CCDC30: variants seen among roughly 807,000 people sequenced by gnomAD.
The protein encoded by CCDC30 is coiled-coil domain-containing protein 30.
In CCDC30, 70 loss-of-function variants were observed where a neutral mutation model predicts 100.2. The observed-to-expected ratio is 0.70, with a 90% confidence interval of 0.58 to 0.85. CCDC30 has a LOEUF of 0.85. Ranked by LOEUF, CCDC30 falls within the 40% of genes least tolerant of loss-of-function variation. CCDC30 has a pLI of 0.00. For synonymous variants in CCDC30, 233 were observed against 269.5 expected, an observed-to-expected ratio of 0.86 and a Z score of 1.33; for missense variants, 652 against 771.2, an observed-to-expected ratio of 0.85 and a Z score of 1.83.
At chr1:42,629,701 G>A (rs1367990668) in intron 11 of CCDC30, among the ~76,000 whole-genome samples, 6 of 150,294 alleles carry the variant, frequency 4.0e-5, no homozygotes, top group South Asian at 2.1e-4. Flanking sequence ...GCACGATCTC[G>A]GCTCACTGCA....
chr1:42,623,316 A>G (rs1284844750), intron 11 of CCDC30, among the ~76,000 whole-genome samples: 1 of 152,298 alleles, frequency 6.6e-6, no homozygotes, highest in Non-Finnish European at 1.5e-5. Flanking sequence ...TCACAGACCA[A>G]TATCCTGGAG....
intron 9 of CCDC30, among the ~76,000 whole-genome samples, chr1:42,584,570 G>A (rs372132373): frequency 6.6e-6 from 1 of 151,660 alleles, no homozygotes; most frequent in South Asian, 2.1e-4. Flanking sequence ...TCCAACGTGG[G>A]CAACAGGGCA....
rs753373298 is a variant in CCDC30, at chr1:42,637,247, GA to G, written c.1289del (p.Glu430GlyfsTer17). The G allele has an allele frequency of 1.9e-6, 3 of 1,582,476 alleles. No individual in the cohort carries two copies. The highest frequency in any genetic ancestry group is 2.6e-6 in the Non-Finnish European group (3 of 1,171,904). ...AATTTACTTTTATAGAAACTATAATGAGAAACATCACCAACAAAAAGTCAAG... is the reference window on the plus strand; with the variant it reads ...AATTTACTTTTATAGAAACTATAATGGAAACATCACCAACAAAAAGTCAAG... On this transcript the variant is annotated frameshift_variant, in exon 12 of 17. Coordinates refer to ENST00000668663, the Ensembl canonical transcript of CCDC30. LOFTEE classifies it high-confidence loss of function.
At chr1:42,618,849 G>A (rs140867465) in intron 11 of CCDC30, among the ~76,000 whole-genome samples, 100 of 152,238 alleles carry the variant, frequency 6.6e-4, no homozygotes, top group Admixed American at 4.1e-3. Context: ...AAAGAACGAC[G>A]GGAAGGCAAG....
upstream of CCDC30, chr1:42,459,924 T>G (rs952234267): frequency 5.6e-6 from 9 of 1,601,816 alleles, no homozygotes; most frequent in East Asian, 2.0e-4. Context: ...TGACAGAAAC[T>G]GAAGTAAAAA....
chr1:42,481,576 CAAAAA>C lies in CCDC30; in HGVS notation c.15+1029_15+1033del, dbSNP rs11312516. Among the ~76,000 whole-genome samples the C allele has an allele frequency of 7.6e-3, 845 of 110,596 alleles. 5 individuals are homozygous for C. The highest frequency in any genetic ancestry group is 0.026 in the African/African-American group (776 of 29,792). 72.6% of individuals were successfully genotyped at this position (110,596 alleles called of 152,430 possible). On this transcript the variant is annotated intron_variant, in intron 2 of 16. Coordinates refer to ENST00000668663, the Ensembl canonical transcript of CCDC30. ...TGGGCGACAGAGCAAAACCCTGTCT[CAAAAA>C]AAAAAAAAAAAAAAAAAATCACCTT...
intron 9 of CCDC30, among the ~76,000 whole-genome samples, chr1:42,587,111 C>T (rs967578919): frequency 2.0e-5 from 3 of 152,186 alleles, no homozygotes; most frequent in African/African-American, 4.8e-5. Flanking sequence ...ACTTCGCCCA[C>T]CTCAGCCTCC....
chr1:42,632,610 A>G (rs562397299), intron 11 of CCDC30, among the ~76,000 whole-genome samples: 3 of 145,236 alleles, frequency 2.1e-5, no homozygotes, highest in Non-Finnish European at 4.5e-5. Context: ...AAAATACAAA[A>G]TTAGCCGGGC....
intron 6 of CCDC30, 87 bp downstream of exon 8, chr1:42,539,397 G>A (rs950586790): frequency 2.5e-6 from 3 of 1,221,528 alleles, no homozygotes; most frequent in Non-Finnish European, 3.4e-6. Context: ...TTAAGCAACA[G>A]ATGATTTGGG....
intron 3 of CCDC30, among the ~76,000 whole-genome samples, chr1:42,489,612 G>A (rs1357173436): frequency 1.3e-5 from 2 of 152,156 alleles, no homozygotes; most frequent in African/African-American, 4.8e-5. Context: ...TGAGGAGACC[G>A]TAGGAGACAA....
rs117436699 is a variant in CCDC30, at chr1:42,513,767, G to A, written c.456+14851G>A. 8.3e-4 allele frequency among the ~76,000 whole-genome samples: 127 copies of A among 152,214 alleles called. 1 individual carries two copies. In the East Asian group the frequency reaches 0.024, roughly 28 times the overall value. ...TTTATGTCGCTATAAAGGAGTACCCGAGGCTGGTTAATTTATAAAGACGAG... is the reference window on the plus strand; with the variant it reads ...TTTATGTCGCTATAAAGGAGTACCCAAGGCTGGTTAATTTATAAAGACGAG... On this transcript the variant is annotated intron_variant, in intron 6 of 16. Transcript: ENST00000668663.
chr1:42,577,340 GA>G, intron 8 of CCDC30, 111 bp downstream of exon 12: 1 of 753,670 alleles, frequency 1.3e-6, no homozygotes, highest in Non-Finnish European at 2.1e-6. Context: ...AGAATTCTAA[GA>G]TTTTTTTTCT....
At chr1:42,456,212 T>C in the CCDC30 span, 1 of 608,034 alleles carries the variant, frequency 1.6e-6, no homozygotes, top group African/African-American at 1.9e-5. Flanking sequence ...GTCCCACGGG[T>C]CAAATGGCCG....
intron 5 of CCDC30, among the ~76,000 whole-genome samples, chr1:42,498,490 G>A (rs1178406235): frequency 6.6e-6 from 1 of 152,080 alleles, no homozygotes; most frequent in Non-Finnish European, 1.5e-5. Flanking sequence ...CAATAAAAAT[G>A]CAATCATAAA....
At chr1:42,601,028 T>C (rs6695975) in intron 10 of CCDC30, among the ~76,000 whole-genome samples, 96,866 of 152,036 alleles carry the variant, frequency 0.64, 31,065 homozygotes, top group South Asian at 0.71. Flanking sequence ...GTCTCAGGTA[T>C]TTCCTTATAG....
At chr1:42,525,058 A>G (rs1644704048) in intron 6 of CCDC30, among the ~76,000 whole-genome samples, 1 of 151,914 alleles carries the variant, frequency 6.6e-6, no homozygotes, top group South Asian at 2.1e-4. Flanking sequence ...GTTTTTCTAT[A>G]TTTACTATTT....
intron 11 of CCDC30, among the ~76,000 whole-genome samples, chr1:42,628,418 G>C (rs1254968727): frequency 6.6e-6 from 1 of 152,056 alleles, no homozygotes; most frequent in Admixed American, 6.6e-5. Flanking sequence ...AAGACTTTTG[G>C]GGACTGTTGG....
intron 6 of CCDC30, among the ~76,000 whole-genome samples, chr1:42,542,351 A>C (rs190331533): frequency 1.3e-5 from 2 of 152,018 alleles, no homozygotes; most frequent in Non-Finnish European, 2.9e-5. Context: ...TATAACGTCA[A>C]ATCTAAACTC....
the CCDC30 span, chr1:42,456,229 G>A: frequency 1.6e-5 from 10 of 609,070 alleles, no homozygotes; most frequent in East Asian, 2.2e-4. Context: ...GCCGAGAAAC[G>A]ACTCCCAAGG....
Sources: allele counts gnomAD v4.1 joint callset (sites outside exome capture counted in the v4.1 genomes callset), GRCh38; gene constraint gnomAD v4.1.1; transcripts MANE v1.5; gene names NCBI Gene and HGNC (gene_info 2026-07-23, HGNC 2026-07-21).